MSRA: variants seen among roughly 807,000 people sequenced by gnomAD.
MSRA encodes the protein methionine sulfoxide reductase A.
In MSRA, 54 loss-of-function variants were observed where a neutral mutation model predicts 31.3. That is an observed-to-expected ratio of 1.73 (90% CI 1.39 to 2.17). MSRA has a LOEUF of 2.17. Ranked by LOEUF, MSRA falls within the 30% of genes most tolerant of loss-of-function variation. MSRA has a pLI of 0.00. For missense variants in MSRA, 507 were observed against 300.9 expected (o/e 1.69, Z -5.07); for synonymous variants, 169 against 116.5 (o/e 1.45, Z -2.90).
intron 3 of MSRA, among the ~76,000 whole-genome samples, chr8:10,257,357 C>T (rs781747040): frequency 1.3e-5 from 2 of 152,198 alleles, no homozygotes; most frequent in Non-Finnish European, 2.9e-5. Context: ...GCATTGGACA[C>T]TGACAGCCCA....
At chr8:10,067,925 C>T (rs1797544162) in intron 1 of MSRA, among the ~76,000 whole-genome samples, 1 of 130,978 alleles carries the variant, frequency 7.6e-6, no homozygotes. Context: ...ACACTATTGC[C>T]CAGGCTGGAG....
At chr8:10,365,609 A>C (rs1805117208) in intron 5 of MSRA, among the ~76,000 whole-genome samples, 2 of 152,246 alleles carry the variant, frequency 1.3e-5, no homozygotes, top group Admixed American at 1.3e-4. Context: ...ATTTAATTTT[A>C]TCTGCAACAG....
chr8:10,056,561 A>G (rs1802384849), intron 1 of MSRA, among the ~76,000 whole-genome samples: 1 of 149,866 alleles, frequency 6.7e-6, no homozygotes, highest in South Asian at 2.1e-4. Context: ...CCAAGCCTAC[A>G]ATGCATATGT....
chr8:10,086,007 A>G (rs1441194643), intron 1 of MSRA, among the ~76,000 whole-genome samples: 1 of 152,152 alleles, frequency 6.6e-6, no homozygotes, highest in Non-Finnish European at 1.5e-5. Context: ...TATTATGAAT[A>G]ATTCTTCCAT....
intron 2 of MSRA, among the ~76,000 whole-genome samples, chr8:10,242,624 C>T (rs1237544945): frequency 6.6e-6 from 1 of 152,072 alleles, no homozygotes; most frequent in Non-Finnish European, 1.5e-5. Flanking sequence ...GAAAATAGTG[C>T]ATACTATATT....
chr8:10,061,441 T>C (rs1174841924), intron 1 of MSRA, among the ~76,000 whole-genome samples: 1 of 152,194 alleles, frequency 6.6e-6, no homozygotes, highest in Admixed American at 6.5e-5. Context: ...CTCCTTCTTC[T>C]CTACTGGACA....
At chr8:10,265,735 C>G (rs988604106) in intron 3 of MSRA, among the ~76,000 whole-genome samples, 5 of 152,234 alleles carry the variant, frequency 3.3e-5, no homozygotes, top group Non-Finnish European at 7.3e-5. Context: ...AAAGTTACCT[C>G]GCATGCCTTC....
At chr8:10,128,428 A>T (rs1801656861) in intron 1 of MSRA, among the ~76,000 whole-genome samples, 1 of 152,182 alleles carries the variant, frequency 6.6e-6, no homozygotes, top group Admixed American at 6.5e-5. Context: ...TCAGATGTGA[A>T]CATAAACACG....
chr8:10,064,540 G>A (rs1352558585), intron 1 of MSRA, among the ~76,000 whole-genome samples: 1 of 152,154 alleles, frequency 6.6e-6, no homozygotes. Flanking sequence ...AGGAAGAAAT[G>A]TGGTGACAGT....
intron 1 of MSRA, among the ~76,000 whole-genome samples, chr8:10,195,185 T>C (rs1368797235): frequency 6.6e-6 from 1 of 152,264 alleles, no homozygotes; most frequent in East Asian, 1.9e-4. Context: ...GAGCAAAGCC[T>C]GTGCTATGGA....
At chr8:10,077,479 CTTTTTTTTTTTT>C (rs10714477) in intron 1 of MSRA, among the ~76,000 whole-genome samples, 2 of 101,240 alleles carry the variant, frequency 2.0e-5, no homozygotes, top group Non-Finnish European at 3.9e-5. Context: ...CTACCTTCTC[CTTTTTTTTTTTT>C]TTTTTTTTTT....
At chr8:10,263,662 C>T (rs949321335) in intron 3 of MSRA, among the ~76,000 whole-genome samples, 1 of 151,980 alleles carries the variant, frequency 6.6e-6, no homozygotes, top group Non-Finnish European at 1.5e-5. Context: ...CTTGAGGCTT[C>T]GTGCTGGACT....
rs183696629 is a variant in MSRA, at chr8:10,078,911, T to C, written c.142+24253T>C. ...AGGTTTGTCTTGAATGGAAAATAAA[T>C]GGGGATCACATTTGGAGCCAGTGGT... On this transcript the variant is annotated intron_variant, in intron 1 of 5. Coordinates refer to ENST00000317173, the MANE Select transcript of MSRA (RefSeq NM_012331.5). Among the ~76,000 whole-genome samples, 282 of 152,296 alleles carry C rather than the reference T, an allele frequency of 1.9e-3. 2 individuals are homozygous for C. Among genetic ancestry groups the C allele is most frequent in the African/African-American group, 6.4e-3 (267 of 41,576 alleles).
chr8:10,120,309 A>C (rs1225809511), intron 1 of MSRA, among the ~76,000 whole-genome samples: 1 of 152,144 alleles, frequency 6.6e-6, no homozygotes, highest in Non-Finnish European at 1.5e-5. Flanking sequence ...CCAAATAGGA[A>C]GGATATGGGA....
chr8:10,081,025 T>A (rs926981884), intron 1 of MSRA, among the ~76,000 whole-genome samples: 2 of 152,204 alleles, frequency 1.3e-5, no homozygotes, highest in Non-Finnish European at 1.5e-5. Context: ...GCTAGGGAGA[T>A]GCCTGGGCAG....
At chr8:10,414,971 G>A (rs907943557) in intron 5 of MSRA, among the ~76,000 whole-genome samples, 1 of 152,144 alleles carries the variant, frequency 6.6e-6, no homozygotes, top group African/African-American at 2.4e-5. Flanking sequence ...AACTCGTAGA[G>A]GAAAAGTCAC....
rs1318859195 is a variant in MSRA at position 10,105,321 on chromosome 8, G to A, written c.142+50663G>A. 3.3e-5 allele frequency among the ~76,000 whole-genome samples: 5 copies of A among 152,024 alleles called. 1 individual carries two copies. Among genetic ancestry groups the A allele is most frequent in the African/African-American group, 9.7e-5 (4 of 41,388 alleles). ...GTAATAATACATGCTTACAATCCAT[G>A]CTTTCCGATGAGGCAGAGAGGGCTA... is the stretch of plus-strand genomic sequence containing the variant. On this transcript the variant is annotated intron_variant, in intron 1 of 5. Transcript: ENST00000317173.
chr8:10,360,846 A>G (rs1336790234), intron 5 of MSRA, among the ~76,000 whole-genome samples: 1 of 152,154 alleles, frequency 6.6e-6, no homozygotes, highest in Non-Finnish European at 1.5e-5. Context: ...ATGAGTTTCA[A>G]ATGTGGAACT....
intron 1 of MSRA, among the ~76,000 whole-genome samples, chr8:10,103,105 A>C (rs1799644991): frequency 6.6e-6 from 1 of 152,218 alleles, no homozygotes; most frequent in Non-Finnish European, 1.5e-5. Flanking sequence ...CTACTTTATT[A>C]ATTTAGAAAA....
Sources: allele counts gnomAD v4.1 joint callset (sites outside exome capture counted in the v4.1 genomes callset), GRCh38; gene constraint gnomAD v4.1.1; transcripts MANE v1.5; gene names NCBI Gene and HGNC (gene_info 2026-07-23, HGNC 2026-07-21).